CCDC30: variants seen among roughly 807,000 people sequenced by gnomAD.
CCDC30 encodes coiled-coil domain containing 30.
CCDC30 carries 70 observed loss-of-function variants against 100.2 expected under a neutral mutation model. The ratio of observed to expected loss-of-function variants is 0.70; its 90% CI spans 0.58 to 0.85. CCDC30 has a LOEUF of 0.85. CCDC30 is among the 40% of genes least tolerant of loss of function. The pLI is 0.00. For synonymous variants in CCDC30, 233 were observed against 269.5 expected, an observed-to-expected ratio of 0.86 and a Z score of 1.33; for missense variants, 652 against 771.2, an observed-to-expected ratio of 0.85 and a Z score of 1.83.
intron 3 of CCDC30, among the ~76,000 whole-genome samples, chr1:42,485,320 T>C (rs911526505): frequency 1.3e-5 from 2 of 152,106 alleles, no homozygotes; most frequent in Non-Finnish European, 2.9e-5. Context: ...GAAAAACTAA[T>C]ACATTGGACT....
chr1:42,637,391 TA>T lies in CCDC30; in HGVS notation c.1419+17del, dbSNP rs745929885. 8 of 1,603,774 alleles carry T rather than the reference TA, an allele frequency of 5.0e-6. No homozygotes were observed. The South Asian group carries it at 7.9e-5, about 16-fold the overall frequency. ...TAAAATAGAAAAGGTGAGGAAAAAA[TA>T]AAAGGTGAAGAGCTCACTGGTGATT... On this transcript the variant is annotated intron_variant, in intron 12 of 16. Coordinates refer to ENST00000668663, the Ensembl canonical transcript of CCDC30.
intron 12 of CCDC30, among the ~76,000 whole-genome samples, chr1:42,642,261 A>C (rs1647515760): frequency 2.0e-5 from 3 of 151,524 alleles, no homozygotes; most frequent in Admixed American, 2.0e-4. Context: ...ATATATATAT[A>C]TATGACATGA....
intron 6 of CCDC30, among the ~76,000 whole-genome samples, chr1:42,517,486 T>C (rs1415549136): frequency 6.6e-6 from 1 of 152,248 alleles, no homozygotes; most frequent in Admixed American, 6.5e-5. Flanking sequence ...CAAGAAATCA[T>C]TGCCAAATCC....
rs1019843132 is a variant in CCDC30 at position 42,556,509 on chromosome 1, AT to A, written c.457-9780del. 7.1e-6 allele frequency: 9 copies of A among 1,259,650 alleles called. No individual in the cohort carries two copies. In the African/African-American group the frequency reaches 9.2e-5, roughly 13 times the overall value. The allele number at this position is 1,259,650 out of a possible 1,614,324, so 78.0% of individuals were successfully genotyped here. ...ATCATTCATATATATGTTTTTTTTT[AT>A]TTTTTTAGGTACATAGTAGATGTGT... On this transcript the variant is annotated intron_variant, in intron 6 of 16. Transcript: ENST00000668663.
chr1:42,536,235 A>G (rs189274460), intron 6 of CCDC30, among the ~76,000 whole-genome samples: 1 of 152,302 alleles, frequency 6.6e-6, no homozygotes, highest in East Asian at 1.9e-4. Flanking sequence ...TACTTTCAAA[A>G]TCACATTTTA....
intron 6 of CCDC30, among the ~76,000 whole-genome samples, chr1:42,533,046 CT>C (rs1266033620): frequency 1.3e-5 from 2 of 152,236 alleles, no homozygotes; most frequent in African/African-American, 4.8e-5. Context: ...CGTGAGCCAC[CT>C]TGCCCGGCCA....
At chr1:42,614,749 T>C (rs1646692898) in intron 11 of CCDC30, among the ~76,000 whole-genome samples, 1 of 150,652 alleles carries the variant, frequency 6.6e-6, no homozygotes, top group South Asian at 2.1e-4. Context: ...ATCATGCCAC[T>C]GCACCCTAGC....
chr1:42,645,676 T>G (rs757267405), intron 14 of CCDC30, among the ~76,000 whole-genome samples: 9 of 152,206 alleles, frequency 5.9e-5, no homozygotes, highest in Admixed American at 6.5e-5. Context: ...TTTCGTTTTT[T>G]TTTCTGATTT....
Position 42,473,780 on chromosome 1 carries a change from C to T in CCDC30, c.-91-6681C>T, listed in dbSNP as rs181524662. Reference sequence around the variant, plus strand: ...GTATTTTTGGTGGCTGATGTATTCTCTTACAGGCACATTATGTGGGAAGCC... The same window carrying T: ...GTATTTTTGGTGGCTGATGTATTCTTTTACAGGCACATTATGTGGGAAGCC... On this transcript the variant is annotated intron_variant, in intron 1 of 16. Transcript: ENST00000668663. Among the ~76,000 whole-genome samples, 15 of 152,278 alleles carry T rather than the reference C, an allele frequency of 9.9e-5. No individual in the cohort carries two copies. The East Asian group carries it at 2.9e-3, about 29-fold the overall frequency.
exon 8 of CCDC30, chr1:42,577,086 A>G: frequency 6.2e-7 from 1 of 1,614,152 alleles, no homozygotes; most frequent in Non-Finnish European, 8.5e-7. Flanking sequence ...CTCTTCACTC[A>G]CGGCAGAGTA....
At chr1:42,586,489 G>A (rs1646072202) in intron 9 of CCDC30, among the ~76,000 whole-genome samples, 1 of 151,946 alleles carries the variant, frequency 6.6e-6, no homozygotes, top group East Asian at 1.9e-4. Context: ...AAAAAATTTA[G>A]AGACAGGATC....
chr1:42,531,254 A>G (rs919769975), intron 6 of CCDC30, among the ~76,000 whole-genome samples: 11 of 151,866 alleles, frequency 7.2e-5, no homozygotes, highest in African/African-American at 2.7e-4. Context: ...CTTTTTTGCC[A>G]TGATTGTAAG....
intron 6 of CCDC30, among the ~76,000 whole-genome samples, chr1:42,506,234 A>T (rs1487532846): frequency 6.6e-6 from 1 of 152,234 alleles, no homozygotes; most frequent in Non-Finnish European, 1.5e-5. Context: ...CTTTTAGTGT[A>T]GTTCATGCAG....
chr1:42,617,203 C>T (rs1646742342), intron 11 of CCDC30, among the ~76,000 whole-genome samples: 1 of 152,054 alleles, frequency 6.6e-6, no homozygotes, highest in Non-Finnish European at 1.5e-5. Context: ...CTTTCAGAGG[C>T]CAAGGCAGGA....
chr1:42,532,475 C>T (rs988376130), intron 6 of CCDC30, among the ~76,000 whole-genome samples: 4 of 152,118 alleles, frequency 2.6e-5, no homozygotes, highest in African/African-American at 9.7e-5. Context: ...CACGTGTTCT[C>T]AGAGAACATG....
chr1:42,510,730 T>G (rs1432003726), intron 6 of CCDC30, among the ~76,000 whole-genome samples: 5 of 151,926 alleles, frequency 3.3e-5, no homozygotes, highest in Non-Finnish European at 1.5e-5. Context: ...AGTCTCCCTT[T>G]ATTTGCCTAA....
At chr1:42,568,071 A>G (rs1645645245) in intron 7 of CCDC30, among the ~76,000 whole-genome samples, 2 of 152,232 alleles carry the variant, frequency 1.3e-5, no homozygotes, top group African/African-American at 4.8e-5. Flanking sequence ...TGAAAGTTAT[A>G]TATGATGAGT....
At chr1:42,630,956 A>G (rs909836333) in intron 11 of CCDC30, among the ~76,000 whole-genome samples, 1 of 152,016 alleles carries the variant, frequency 6.6e-6, no homozygotes. Flanking sequence ...TTTCTCCAGG[A>G]TGGGTCCCTG....
chr1:42,560,395 A>C (rs1348196605), intron 6 of CCDC30, among the ~76,000 whole-genome samples: 1 of 152,080 alleles, frequency 6.6e-6, no homozygotes, highest in Non-Finnish European at 1.5e-5. Context: ...GTTGAGTCAG[A>C]GTCTTGCTCC....
Sources: gnomAD v4.1 joint callset for allele counts (sites outside exome capture counted in the v4.1 genomes callset) on GRCh38, gnomAD v4.1.1 for gene constraint, MANE v1.5 for transcripts, NCBI Gene and HGNC (gene_info 2026-07-23, HGNC 2026-07-21) for gene names.